The following NT5DC1 variants were observed in gnomAD, a reference collection of about 807,000 sequenced individuals.
The protein encoded by NT5DC1 is 5'-nucleotidase domain containing 1, also known as 5'-nucleotidase domain-containing protein 1.
Under a neutral mutation model 59.4 loss-of-function variants are expected in NT5DC1, and 42 were observed. The ratio of observed to expected loss-of-function variants is 0.71; its 90% confidence interval spans 0.55 to 0.92. The LOEUF is 0.92. NT5DC1 is among the 40% of genes least tolerant of loss of function. NT5DC1 has a pLI of 0.00. For synonymous variants in NT5DC1, 172 were observed against 188.1 expected, an observed-to-expected ratio of 0.91 and a Z score of 0.70; for missense variants, 501 against 537.1, an observed-to-expected ratio of 0.93 and a Z score of 0.66.
chr6:116,206,332 A>G (rs756544973), intron 6 of NT5DC1, among the ~76,000 whole-genome samples: 1 of 151,998 alleles, frequency 6.6e-6, no homozygotes, highest in Non-Finnish European at 1.5e-5. Context: ...ATATCATTGC[A>G]TATAATTCAC....
intron 11 of NT5DC1, among the ~76,000 whole-genome samples, chr6:116,242,917 A>G (rs190952912): frequency 2.0e-5 from 3 of 152,050 alleles, no homozygotes; most frequent in East Asian, 1.9e-4. Context: ...TGCTGCTTGT[A>G]GTAGCCCTTA....
intron 6 of NT5DC1, among the ~76,000 whole-genome samples, chr6:116,155,039 T>C (rs983141135): frequency 6.6e-6 from 1 of 152,194 alleles, no homozygotes; most frequent in Admixed American, 6.5e-5. Context: ...AATAGAACTT[T>C]GGTTTGACAG....
chr6:116,164,562 G>T (rs1294917134), intron 6 of NT5DC1, among the ~76,000 whole-genome samples: 1 of 152,134 alleles, frequency 6.6e-6, no homozygotes, highest in Non-Finnish European at 1.5e-5. Context: ...TCTCTTTCAA[G>T]TATTTATGTT....
intron 6 of NT5DC1, among the ~76,000 whole-genome samples, chr6:116,191,075 C>T (rs1037795762): frequency 6.6e-6 from 1 of 151,920 alleles, no homozygotes; most frequent in African/African-American, 2.4e-5. Flanking sequence ...AGCCAACACC[C>T]GAGTCTCTGA....
At chr6:116,102,724 C>CT (rs1778685104) in intron 1 of NT5DC1, among the ~76,000 whole-genome samples, 1 of 152,290 alleles carries the variant, frequency 6.6e-6, no homozygotes, top group South Asian at 2.1e-4. Context: ...GTGTGGAAAT[C>CT]TTTTTTATTT....
chr6:116,186,674 G>A (rs527813029), intron 6 of NT5DC1, among the ~76,000 whole-genome samples: 25 of 152,066 alleles, frequency 1.6e-4, no homozygotes, highest in Non-Finnish European at 3.2e-4. Context: ...CTGTTGCTGC[G>A]AGTTTCCAGT....
rs201702101 is a variant in NT5DC1 at position 116,205,981 on chromosome 6, C to T, written c.530-15073C>T. Reference sequence around the variant, plus strand: ...AATAGCTACCCCAAGTTTCTCTGCTCAGTCCTTTGAGAATGATCTAATAGA... The same window carrying T: ...AATAGCTACCCCAAGTTTCTCTGCTTAGTCCTTTGAGAATGATCTAATAGA... On this transcript the variant is annotated intron_variant, in intron 6 of 11. Coordinates refer to ENST00000319550, the MANE Select transcript of NT5DC1 (RefSeq NM_152729.3). 2.0e-5 allele frequency among the ~76,000 whole-genome samples: 3 copies of T among 152,096 alleles called. No individual in the cohort carries two copies. The East Asian group carries it at 5.8e-4, about 30-fold the overall frequency.
intron 6 of NT5DC1, among the ~76,000 whole-genome samples, chr6:116,150,690 C>G (rs1166167983): frequency 6.6e-6 from 1 of 152,156 alleles, no homozygotes; most frequent in Non-Finnish European, 1.5e-5. Context: ...GAGCATTAGT[C>G]TAGCAGTATT....
intron 6 of NT5DC1, among the ~76,000 whole-genome samples, chr6:116,139,624 G>T (rs564069075): frequency 7.0e-4 from 106 of 152,126 alleles, no homozygotes; most frequent in African/African-American, 2.5e-3. Context: ...TTAAAATTTG[G>T]TTGTTTTACT....
At chr6:116,204,343 A>G (rs1781404868) in intron 6 of NT5DC1, among the ~76,000 whole-genome samples, 1 of 152,002 alleles carries the variant, frequency 6.6e-6, no homozygotes, top group Non-Finnish European at 1.5e-5. Context: ...AAGGGATGAG[A>G]GGTAGTGACT....
chr6:116,236,579 C>T (rs966627599), intron 8 of NT5DC1, among the ~76,000 whole-genome samples: 2 of 152,170 alleles, frequency 1.3e-5, no homozygotes, highest in African/African-American at 4.8e-5. Flanking sequence ...ACCTTCCTCA[C>T]CCTCAATTCT....
intron 9 of NT5DC1, chr6:116,237,748 G>GATTCTGTT (rs1782146217): frequency 3.6e-6 from 1 of 277,606 alleles, no homozygotes; most frequent in African/African-American, 2.2e-5. Context: ...GTTTCAACCA[G>GATTCTGTT]TCTGGGGTTG....
At chr6:116,213,907 C>CT (rs143149313) in intron 6 of NT5DC1, among the ~76,000 whole-genome samples, 1,764 of 151,858 alleles carry the variant, frequency 0.012, 35 homozygotes, top group African/African-American at 0.04. Flanking sequence ...ACCCACACTA[C>CT]TTTTTTTTGT....
intron 6 of NT5DC1, chr6:116,145,374 G>A: frequency 3.2e-6 from 1 of 309,554 alleles, no homozygotes; most frequent in Non-Finnish European, 7.3e-6. Flanking sequence ...ACATTAAATT[G>A]ATGGTAAGAA....
At chr6:116,177,070 A>G (rs753853437) in intron 6 of NT5DC1, among the ~76,000 whole-genome samples, 2 of 152,224 alleles carry the variant, frequency 1.3e-5, no homozygotes, top group African/African-American at 4.8e-5. Context: ...GATTTATAGT[A>G]TAGTTTCTGT....
chr6:116,171,046 C>T (rs554041021), intron 6 of NT5DC1, among the ~76,000 whole-genome samples: 2 of 152,236 alleles, frequency 1.3e-5, no homozygotes, highest in South Asian at 4.1e-4. Context: ...ATTCACACAT[C>T]TCTCTGTTTT....
intron 4 of NT5DC1, 95 bp downstream of exon 4, chr6:116,111,051 TGCTGGGCAGGATGCCAAA>T: frequency 1.2e-6 from 1 of 813,286 alleles, no homozygotes; most frequent in Non-Finnish European, 2.0e-6. Context: ...CCCTTTCCCC[TGCTGGGCAGGATGCCAAA>T]GGGAGCAGCT....
At chr6:116,201,897 A>C (rs1220371272) in intron 6 of NT5DC1, among the ~76,000 whole-genome samples, 1 of 152,024 alleles carries the variant, frequency 6.6e-6, no homozygotes, top group African/African-American at 2.4e-5. Flanking sequence ...ATTTGGATCC[A>C]AATGCCACAC....
intron 6 of NT5DC1, among the ~76,000 whole-genome samples, chr6:116,129,239 C>T (rs1207712765): frequency 6.6e-6 from 1 of 151,986 alleles, no homozygotes; most frequent in African/African-American, 2.4e-5. Context: ...CATATGTATA[C>T]ACATGTCTAT....
Sources: allele counts gnomAD v4.1 joint callset (sites outside exome capture counted in the v4.1 genomes callset), GRCh38; gene constraint gnomAD v4.1.1; transcripts MANE v1.5; gene names NCBI Gene and HGNC (gene_info 2026-07-23, HGNC 2026-07-21).